AMMECR1L: variants seen among roughly 807,000 people sequenced by gnomAD.
The protein encoded by AMMECR1L is AMMECR1-like protein.
A neutral mutation model predicts 36.8 loss-of-function variants in AMMECR1L; 4 were observed. That is an observed-to-expected ratio of 0.11 (90% confidence interval 0.05 to 0.25). The LOEUF is 0.25. AMMECR1L is among the 10% of genes least tolerant of loss of function. The pLI, the probability that AMMECR1L is intolerant of heterozygous loss-of-function variation, is 1.00. For synonymous variants in AMMECR1L, 147 were observed against 148.0 expected (o/e 0.99, Z 0.05); for missense variants, 232 against 392.1 (o/e 0.59, Z 3.45).
chr2:127,870,922 A>C lies in AMMECR1L; in HGVS notation c.525T>G (p.Leu175=), dbSNP rs1429745952. 6.2e-7 allele frequency: 1 copy of C among 1,612,568 alleles called. No homozygotes were observed. The highest frequency in any genetic ancestry group is 8.5e-7 in the Non-Finnish European group (1 of 1,179,286). ...GLREYTLTSA[L]KDSRFPPLTR... is the part of the protein sequence containing the mutation. ...TCAGGGGGGGAAATCGGCTGTCCTT[A>C]AGTGCACTGGAGGGGGACAGAAAAC... The change falls in exon 5 of 8, where the codon CTT becomes CTG. Residue 175 remains leucine (L), a synonymous_variant. Coordinates refer to ENST00000272647, the MANE Select transcript of AMMECR1L (RefSeq NM_001199140.2).
chr2:127,878,446 A>T (rs567753442), intron 2 of AMMECR1L, among the ~76,000 whole-genome samples: 1 of 152,332 alleles, frequency 6.6e-6, no homozygotes, highest in South Asian at 2.1e-4. Context: ...AGCTAAAAAA[A>T]CCTTTCATCA....
chr2:127,867,722 G>A (rs188516408), intron 6 of AMMECR1L, among the ~76,000 whole-genome samples: 224 of 152,136 alleles, frequency 1.5e-3, no homozygotes, highest in African/African-American at 5.1e-3. Context: ...CTCCAGCCTG[G>A]GTGACAGGAG....
In AMMECR1L at chr2:127,869,969, C is replaced by T. The variant is rs377456851; in HGVS notation, c.634-425G>A. ...TCCCAACAATTTGGGAGGCCAAGGC[C>T]GTCAGGAGTTTGAGACCAGGCTGGC... On this transcript the variant is annotated intron_variant, in intron 5 of 7. Transcript: ENST00000272647. This position sits in a 1 kb window ranked among gnomAD's most constrained non-coding sequence, Gnocchi z 4.7. Among the ~76,000 whole-genome samples the T allele has an allele frequency of 5.9e-5, 9 of 152,100 alleles. No individual in the cohort carries two copies. Among genetic ancestry groups the T allele is most frequent in the Middle Eastern group, 3.2e-3 (1 of 316 alleles).
At chr2:127,885,694 C>T (rs1167223138) in intron 1 of AMMECR1L, 116 bp downstream of exon 1, 2 of 982,406 alleles carry the variant, frequency 2.0e-6, no homozygotes, top group Non-Finnish European at 2.4e-6. Flanking sequence ...GGGGTCTCTT[C>T]CCGGCCCCGC....
Position 127,873,926 on chromosome 2 carries a change from C to G in AMMECR1L, c.309G>C (p.Val103=), listed in dbSNP as rs775203641. 5 of 1,614,064 alleles carry G rather than the reference C, an allele frequency of 3.1e-6. No individual in the cohort carries two copies. In the Admixed American group the frequency reaches 8.3e-5, roughly 27 times the overall value. The change falls in exon 3 of 8, where the codon GTG becomes GTC. Residue 103 remains valine, a synonymous_variant. Coordinates refer to ENST00000272647, the MANE Select transcript of AMMECR1L (RefSeq NM_001199140.2). The surrounding 1 kb of genome is among the most constrained non-coding windows in gnomAD (Gnocchi z 5.2). ...AGTAGCAGCACATCTCTGCAGTCAC[C>G]ACCAGATTCTTAGTGGTGTTGGCAG... ...NGTANTTKNL[V]VTAEMCCYCF... is the part of the protein sequence containing the mutation.
intron 3 of AMMECR1L, among the ~76,000 whole-genome samples, chr2:127,872,192 GAAAA>G (rs369158538): frequency 1.1e-4 from 9 of 84,752 alleles, no homozygotes; most frequent in Non-Finnish European, 2.3e-4. Flanking sequence ...GTCTCAAAAA[GAAAA>G]AAAAAAAAAA....
At chr2:127,879,263 C>T (rs1307496027) in intron 2 of AMMECR1L, among the ~76,000 whole-genome samples, 1 of 152,210 alleles carries the variant, frequency 6.6e-6, no homozygotes, top group Non-Finnish European at 1.5e-5. Context: ...GTGGATTTCT[C>T]ATGAATGATT....
chr2:127,864,736 A>T lies in AMMECR1L; in HGVS notation c.*358T>A. On this transcript the variant is annotated 3_prime_UTR_variant, in exon 8 of 8. Transcript: ENST00000272647. ...AGGCTGCAGGGGTGTGTGTGGGTTCAACCTTCAGGGATCATCAATTTCAGC... is the reference window on the plus strand; with the variant it reads ...AGGCTGCAGGGGTGTGTGTGGGTTCTACCTTCAGGGATCATCAATTTCAGC... 6.0e-6 allele frequency: 1 copy of T among 165,534 alleles called. No individual in the cohort carries two copies. Among genetic ancestry groups the T allele is most frequent in the Non-Finnish European group, 1.3e-5 (1 of 76,814 alleles). The allele number at this position is 165,534 out of a possible 1,614,324, so 10.3% of individuals were successfully genotyped here.
At position 127,861,737 on chromosome 2, in the gene AMMECR1L, G is replaced by A. The variant is rs1378756071; in HGVS notation, c.*3357C>T. 6.6e-6 allele frequency: 1 copy of A among 152,096 alleles called. No individual in the cohort carries two copies. Among genetic ancestry groups the A allele is most frequent in the East Asian group, 1.9e-4 (1 of 5,196 alleles). 9.4% of individuals were successfully genotyped at this position (152,096 alleles called of 1,614,324 possible). ...GCAACCAAGTGTAATACAAAGAATT[G>A]GTCTGAAGTCTTTGCACTGAAGGCC... is the stretch of plus-strand genomic sequence containing the variant. On this transcript the variant is annotated 3_prime_UTR_variant, in exon 8 of 8. Transcript: ENST00000272647.
chr2:127,875,556 A>G (rs1252795140), intron 2 of AMMECR1L, among the ~76,000 whole-genome samples: 1 of 152,226 alleles, frequency 6.6e-6, no homozygotes, highest in African/African-American at 2.4e-5. Context: ...TTACACACCC[A>G]TCTGCAATGC....
rs1691074740 is a variant in AMMECR1L, at chr2:127,873,308, A to G, written c.407+520T>C. The G allele has an allele frequency of 1.0e-6, 1 of 985,504 alleles. No individual in the cohort carries two copies. Among genetic ancestry groups the G allele is most frequent in the Non-Finnish European group, 1.2e-6 (1 of 829,946 alleles). The allele number at this position is 985,504 out of a possible 1,614,324, so 61.0% of individuals were successfully genotyped here. A position where few individuals can be genotyped will look rare whatever the true frequency, so the allele number is the denominator to read the frequency against. ...CAACAAAGAATCTTGAACTAAAAATACTGAAGCAGATTCTGACTTCTTGAT... is the reference window on the plus strand; with the variant it reads ...CAACAAAGAATCTTGAACTAAAAATGCTGAAGCAGATTCTGACTTCTTGAT... On this transcript the variant is annotated intron_variant, in intron 3 of 7. Transcript: ENST00000272647. The surrounding 1 kb of genome is among the most constrained non-coding windows in gnomAD (Gnocchi z 5.2).
Position 127,873,786 on chromosome 2 carries a change from C to A in AMMECR1L, c.407+42G>T. 6.2e-7 allele frequency: 1 copy of A among 1,612,244 alleles called. No homozygotes were observed. The highest frequency in any genetic ancestry group is 1.1e-5 in the South Asian group (1 of 90,678). On this transcript the variant is annotated intron_variant, in intron 3 of 7. Coordinates refer to ENST00000272647, the MANE Select transcript of AMMECR1L (RefSeq NM_001199140.2). The surrounding 1 kb of genome is among the most constrained non-coding windows in gnomAD (Gnocchi z 5.2). ...CAAGAGAATCACCCCAGAAAGATGT[C>A]ACCATGCCTTCCTCAGTGCCCCCAG... is the stretch of plus-strand genomic sequence containing the variant.
At chr2:127,866,721 C>A (rs1233168240) in intron 7 of AMMECR1L, among the ~76,000 whole-genome samples, 179 bp downstream of exon 7, 10 of 152,240 alleles carry the variant, frequency 6.6e-5, no homozygotes. Context: ...TGGAGACACA[C>A]AGGATGCTGG....
chr2:127,873,867 A>G lies in AMMECR1L; in HGVS notation c.368T>C (p.Phe123Ser), dbSNP rs200073803. 1 of 1,614,190 alleles carries G rather than the reference A, an allele frequency of 6.2e-7. No individual in the cohort carries two copies. The highest frequency in any genetic ancestry group is 8.5e-7 in the Non-Finnish European group (1 of 1,180,034). Residue 123 changes from phenylalanine (F) to serine (S), a missense_variant, in exon 3 of 8, where the codon TTC becomes TCC. Phe to Ser is a radical substitution (Grantham distance 155). This residue lies in a region of AMMECR1L where 83 missense variants were observed against 229.5 expected (regional missense o/e 0.36). Transcript: ENST00000272647. The surrounding 1 kb of genome is among the most constrained non-coding windows in gnomAD (Gnocchi z 5.2). The stretch of plus-strand genomic sequence containing the variant: ...GAATCTAGGAAGTCGTGGCTGTGGG[A>G]AGCCATAGAGGTGACAGTAGAGTAC... ...FDVLYCHLYG[F>S]PQPRLPRFTN...
intron 5 of AMMECR1L, among the ~76,000 whole-genome samples, chr2:127,870,334 G>C (rs868210650): frequency 6.6e-6 from 1 of 151,748 alleles, no homozygotes; most frequent in Non-Finnish European, 1.5e-5. Flanking sequence ...AAATAGCTGG[G>C]CATGGTGGTG....
In AMMECR1L at chr2:127,874,111, G is replaced by A. The variant is rs113686391; in HGVS notation, c.124C>T (p.Pro42Ser). 3.6e-3 allele frequency: 5,784 copies of A among 1,614,136 alleles called. 15 individuals are homozygous for A. Among genetic ancestry groups the A allele is most frequent in the Non-Finnish European group, 4.4e-3 (5,214 of 1,180,026 alleles). The stretch of plus-strand genomic sequence containing the variant: ...TGAAGAGGTCCTGAACTAGAGCCGG[G>A]GACAGTTGTGGACTGATTCCCGTGA... ...HSHGNQSTTV[P>S]GSSSGPLQNH... Residue 42 changes from proline to serine, a missense_variant, in exon 3 of 8, where the codon CCC becomes TCC. Around this residue, in one of 3 missense-constraint regions of AMMECR1L, gnomAD observed 109 missense variants for 128.1 expected, o/e 0.85. Coordinates refer to ENST00000272647, the MANE Select transcript of AMMECR1L (RefSeq NM_001199140.2). This position sits in a 1 kb window ranked among gnomAD's most constrained non-coding sequence, Gnocchi z 5.2.
At chr2:127,875,805 T>C (rs1038629372) in intron 2 of AMMECR1L, among the ~76,000 whole-genome samples, 13 of 132,244 alleles carry the variant, frequency 9.8e-5, no homozygotes, top group Admixed American at 3.0e-4. Flanking sequence ...CTCTCTCTTT[T>C]TCTTTAAGAG....
intron 6 of AMMECR1L, among the ~76,000 whole-genome samples, chr2:127,868,959 G>A (rs1690832632): frequency 1.3e-5 from 2 of 152,116 alleles, no homozygotes; most frequent in Non-Finnish European, 1.5e-5. Context: ...TCTTGACCTT[G>A]TGATCCGCCC....
chr2:127,880,681 A>G (rs532761248), intron 2 of AMMECR1L, among the ~76,000 whole-genome samples: 9 of 152,102 alleles, frequency 5.9e-5, no homozygotes, highest in African/African-American at 2.2e-4. Context: ...AATTTCAGCC[A>G]GCACTGAACT....
Sources: allele counts gnomAD v4.1 joint callset (sites outside exome capture counted in the v4.1 genomes callset), GRCh38; gene constraint gnomAD v4.1.1; regional missense constraint gnomAD v4.1.1; non-coding constraint Gnocchi (gnomAD v3.1); transcripts MANE v1.5; gene names NCBI Gene and HGNC (gene_info 2026-07-23, HGNC 2026-07-21).